VPS41: variants seen among roughly 807,000 people sequenced by gnomAD.
The protein encoded by VPS41 is vacuolar protein sorting-associated protein 41 homolog.
A neutral mutation model predicts 130.9 loss-of-function variants in VPS41; 85 were observed. The observed-to-expected ratio is 0.65, with a 90% CI of 0.55 to 0.78. VPS41 has a LOEUF of 0.78. Ranked by LOEUF, VPS41 falls within the 30% of genes least tolerant of loss-of-function variation. The probability of loss-of-function intolerance (pLI) is 0.00; values close to 1 mark genes in which losing one functional copy is unlikely to be tolerated. For synonymous variants in VPS41, 335 were observed against 332.9 expected, an observed-to-expected ratio of 1.01 and a Z score of -0.07; for missense variants, 874 against 1,018.7, an observed-to-expected ratio of 0.86 and a Z score of 1.93.
chr7:38,903,980 T>G (rs1034669103), intron 1 of VPS41, among the ~76,000 whole-genome samples: 9 of 152,184 alleles, frequency 5.9e-5, no homozygotes, highest in Admixed American at 1.3e-4. Context: ...TGCCTTTGCA[T>G]GAGAATCATC....
intron 9 of VPS41, among the ~76,000 whole-genome samples, chr7:38,790,668 A>G (rs1035353261): frequency 6.6e-6 from 1 of 152,236 alleles, no homozygotes; most frequent in African/African-American, 2.4e-5. Flanking sequence ...GGTTATATGC[A>G]AATACCGCAT....
intron 13 of VPS41, 121 bp downstream of exon 13, chr7:38,772,401 A>G (rs1784170310): frequency 1.1e-5 from 7 of 629,842 alleles, no homozygotes; most frequent in Non-Finnish European, 1.6e-5. Flanking sequence ...AACTTCCTAC[A>G]TATTTTTGGC....
chr7:38,743,307 T>C, intron 24 of VPS41, 95 bp downstream of exon 24: 1 of 1,432,406 alleles, frequency 7.0e-7, no homozygotes, highest in Non-Finnish European at 9.6e-7. Context: ...ACCATTTTCT[T>C]AACCCAATGT....
Position 38,883,035 on chromosome 7 carries a change from G to A in VPS41, c.61-13782C>T, listed in dbSNP as rs551039185. On this transcript the variant is annotated intron_variant, in intron 2 of 28. Coordinates refer to ENST00000310301, the MANE Select transcript of VPS41 (RefSeq NM_014396.4). Reference sequence around the variant, plus strand: ...AGGCAGATGGATTACTTGAGGTCAGGAGTTTGAGACCAGCCTGGCCAACAT... The same window carrying A: ...AGGCAGATGGATTACTTGAGGTCAGAAGTTTGAGACCAGCCTGGCCAACAT... Among the ~76,000 whole-genome samples, 645 of 152,268 alleles carry A rather than the reference G, an allele frequency of 4.2e-3. 6 individuals are homozygous for A. The highest frequency in any genetic ancestry group is 0.014 in the African/African-American group (573 of 41,532).
chr7:38,841,364 T>C (rs1785604575), intron 4 of VPS41, among the ~76,000 whole-genome samples: 2 of 152,196 alleles, frequency 1.3e-5, no homozygotes, highest in Non-Finnish European at 2.9e-5. Flanking sequence ...TCATCCAAGG[T>C]ATACAAAGGA....
At chr7:38,834,808 G>A (rs1785460174) in intron 4 of VPS41, among the ~76,000 whole-genome samples, 1 of 150,118 alleles carries the variant, frequency 6.7e-6, no homozygotes, top group African/African-American at 2.5e-5. Flanking sequence ...TAATTGTCAA[G>A]CTACTCAAAT....
intron 10 of VPS41, among the ~76,000 whole-genome samples, chr7:38,788,394 C>G (rs974267950): frequency 1.3e-5 from 2 of 152,174 alleles, no homozygotes; most frequent in Non-Finnish European, 2.9e-5. Flanking sequence ...AGCAAACTAC[C>G]TGCACTTAAA....
At chr7:38,839,207 G>A (rs972641809) in intron 4 of VPS41, among the ~76,000 whole-genome samples, 5 of 152,104 alleles carry the variant, frequency 3.3e-5, no homozygotes, top group African/African-American at 7.2e-5. Context: ...AAAAGCAAAC[G>A]TCTGTTCTTT....
At chr7:38,831,353 C>A in intron 4 of VPS41, 2 of 419,078 alleles carry the variant, frequency 4.8e-6, no homozygotes, top group South Asian at 3.6e-5. Context: ...AATTAAAATT[C>A]GATAAATCAG....
At chr7:38,792,074 G>GAGAACAA (rs1784545809) in intron 9 of VPS41, among the ~76,000 whole-genome samples, 1 of 152,144 alleles carries the variant, frequency 6.6e-6, no homozygotes, top group African/African-American at 2.4e-5. Flanking sequence ...GTATCTCGCT[G>GAGAACAA]GTCATGCCAC....
intron 25 of VPS41, among the ~76,000 whole-genome samples, chr7:38,740,693 A>G (rs2115625648): frequency 6.6e-6 from 1 of 152,242 alleles, no homozygotes; most frequent in Non-Finnish European, 1.5e-5. Flanking sequence ...TGAAGGCTGC[A>G]TGATCTCTCA....
At chr7:38,816,276 T>C (rs1412027271) in intron 7 of VPS41, among the ~76,000 whole-genome samples, 6 of 152,134 alleles carry the variant, frequency 3.9e-5, no homozygotes, top group African/African-American at 1.4e-4. Context: ...AGGGGCTCTC[T>C]AACAGAAATC....
intron 7 of VPS41, among the ~76,000 whole-genome samples, chr7:38,802,090 C>A (rs1195991328): frequency 6.6e-6 from 1 of 152,202 alleles, no homozygotes; most frequent in Non-Finnish European, 1.5e-5. Context: ...TGAAGGCCAG[C>A]AGATAGAATT....
chr7:38,731,594 CA>C (rs953903462), intron 25 of VPS41, among the ~76,000 whole-genome samples: 71 of 152,228 alleles, frequency 4.7e-4, no homozygotes, highest in African/African-American at 1.7e-3. Context: ...TTCGCAACCA[CA>C]GACTATCATC....
chr7:38,881,760 C>T (rs1462681131), intron 2 of VPS41, among the ~76,000 whole-genome samples: 1 of 152,082 alleles, frequency 6.6e-6, no homozygotes, highest in Non-Finnish European at 1.5e-5. Flanking sequence ...TCACCATCTC[C>T]AAAATGAGGA....
At chr7:38,883,784 G>C (rs1160672475) in intron 2 of VPS41, among the ~76,000 whole-genome samples, 2 of 152,088 alleles carry the variant, frequency 1.3e-5, no homozygotes, top group Non-Finnish European at 2.9e-5. Flanking sequence ...CTCTAAGAAA[G>C]GGGCGTAATA....
chr7:38,867,662 C>T (rs1786259081), intron 3 of VPS41, among the ~76,000 whole-genome samples: 1 of 152,126 alleles, frequency 6.6e-6, no homozygotes, highest in Non-Finnish European at 1.5e-5. Context: ...AATCTTCTTA[C>T]ATAGAAATGA....
intron 22 of VPS41, 111 bp downstream of exon 22, chr7:38,752,065 C>G: frequency 6.8e-7 from 1 of 1,461,798 alleles, no homozygotes; most frequent in South Asian, 1.3e-5. Flanking sequence ...ACAGTCTTCC[C>G]CCTGGAAAGG....
intron 3 of VPS41, among the ~76,000 whole-genome samples, chr7:38,865,216 A>C (rs1485625569): frequency 1.3e-5 from 2 of 152,228 alleles, no homozygotes; most frequent in Non-Finnish European, 2.9e-5. Context: ...GATCAGAATT[A>C]AAAGCTAAAA....
Sources: allele counts gnomAD v4.1 joint callset (sites outside exome capture counted in the v4.1 genomes callset), GRCh38; gene constraint gnomAD v4.1.1; transcripts MANE v1.5; gene names NCBI Gene and HGNC (gene_info 2026-07-23, HGNC 2026-07-21).